SUGCT: variants seen among roughly 807,000 people sequenced by gnomAD.
SUGCT encodes succinyl-CoA:glutarate-CoA transferase.
A neutral mutation model predicts 55.0 loss-of-function variants in SUGCT; 41 were observed. The ratio of observed to expected loss-of-function variants is 0.74; its 90% CI spans 0.58 to 0.97. SUGCT has a LOEUF of 0.97. Among genes scored for constraint, SUGCT ranks in the 50% least tolerant of loss-of-function variants. The pLI, the probability that SUGCT is intolerant of heterozygous loss-of-function variation, is 0.00. For synonymous variants in SUGCT, 187 were observed against 200.4 expected, an observed-to-expected ratio of 0.93 and a Z score of 0.56; for missense variants, 568 against 547.8, an observed-to-expected ratio of 1.04 and a Z score of -0.37.
intron 12 of SUGCT, among the ~76,000 whole-genome samples, chr7:40,701,358 C>G (rs1475764975): frequency 1.3e-5 from 2 of 152,244 alleles, no homozygotes; most frequent in African/African-American, 4.8e-5. Flanking sequence ...GCTCATCCGC[C>G]ATTCCAGTGT....
the SUGCT span, among the ~76,000 whole-genome samples, chr7:40,888,597 T>C: frequency 1.2e-4 from 19 of 152,300 alleles, 1 homozygote; most frequent in East Asian, 7.7e-4. Context: ...GGCACATTCA[T>C]AGGTTTAAAA....
chr7:40,987,749 A>G, the SUGCT span, among the ~76,000 whole-genome samples: 1 of 152,232 alleles, frequency 6.6e-6, no homozygotes, highest in Non-Finnish European at 1.5e-5. Context: ...TGATGTTTCA[A>G]CAGAATTCCA....
chr7:40,268,942 T>G (rs1791802779), intron 7 of SUGCT, among the ~76,000 whole-genome samples: 1 of 152,174 alleles, frequency 6.6e-6, no homozygotes, highest in African/African-American at 2.4e-5. Context: ...CAGCCCATGC[T>G]TTCATTTTCT....
chr7:41,008,044 G>T, the SUGCT span, among the ~76,000 whole-genome samples: 1 of 152,146 alleles, frequency 6.6e-6, no homozygotes, highest in African/African-American at 2.4e-5. Context: ...GACTCTGGCT[G>T]CTTAGAAAGA....
intron 12 of SUGCT, among the ~76,000 whole-genome samples, chr7:40,585,139 G>C (rs3919491): frequency 0.094 from 14,294 of 152,090 alleles, 719 homozygotes; most frequent in Middle Eastern, 0.12. Flanking sequence ...GGGAAAATGG[G>C]GAATTCTTAA....
intron 13 of SUGCT, among the ~76,000 whole-genome samples, chr7:40,833,075 AT>A (rs907905476): frequency 1.3e-5 from 2 of 148,382 alleles, no homozygotes; most frequent in African/African-American, 2.5e-5. Context: ...TTACCTCTAG[AT>A]TTTTTTTTTC....
chr7:40,424,571 T>A (rs1169617428), intron 9 of SUGCT, among the ~76,000 whole-genome samples: 1 of 152,170 alleles, frequency 6.6e-6, no homozygotes, highest in Admixed American at 6.5e-5. Context: ...TTTACTTCTA[T>A]ATGTTTCAGT....
intron 13 of SUGCT, among the ~76,000 whole-genome samples, chr7:40,815,286 G>A (rs902959860): frequency 3.3e-5 from 5 of 152,360 alleles, no homozygotes; most frequent in African/African-American, 1.2e-4. Flanking sequence ...AGCAGCCACT[G>A]AGCACCCAGA....
chr7:40,947,482 G>A, the SUGCT span, among the ~76,000 whole-genome samples: 1 of 148,052 alleles, frequency 6.8e-6, no homozygotes, highest in Non-Finnish European at 1.5e-5. Context: ...TGTTTTGCAT[G>A]TGGGCCATAC....
At chr7:40,143,250 C>G (rs1788080518) in intron 1 of SUGCT, among the ~76,000 whole-genome samples, 2 of 152,228 alleles carry the variant, frequency 1.3e-5, no homozygotes, top group Admixed American at 1.3e-4. Context: ...TAAGGGCAGA[C>G]TGATAGGTCA....
intron 13 of SUGCT, among the ~76,000 whole-genome samples, chr7:40,764,045 T>G (rs1373400569): frequency 6.6e-6 from 1 of 152,142 alleles, no homozygotes; most frequent in Admixed American, 6.6e-5. Context: ...AGGGAGGTCT[T>G]TTCAATAGGC....
chr7:40,591,606 A>G (rs1454104444), intron 12 of SUGCT, among the ~76,000 whole-genome samples: 6 of 152,206 alleles, frequency 3.9e-5, no homozygotes, highest in Non-Finnish European at 7.4e-5. Context: ...TAACAGAGAA[A>G]TCTTTTGTGA....
At chr7:40,334,990 C>A (rs1562690946) in intron 9 of SUGCT, among the ~76,000 whole-genome samples, 2 of 152,296 alleles carry the variant, frequency 1.3e-5, no homozygotes, top group Admixed American at 6.5e-5. Context: ...GTTTTCCCAG[C>A]ACCATTTATT....
At chr7:40,417,971 T>G (rs949206822) in intron 9 of SUGCT, among the ~76,000 whole-genome samples, 2 of 152,194 alleles carry the variant, frequency 1.3e-5, no homozygotes, top group Non-Finnish European at 2.9e-5. Context: ...AAACAATACA[T>G]GTGATAAATA....
At chr7:40,208,789 C>T (rs772968909) in intron 6 of SUGCT, among the ~76,000 whole-genome samples, 48 of 152,142 alleles carry the variant, frequency 3.2e-4, no homozygotes, top group Non-Finnish European at 6.6e-4. Flanking sequence ...AGGCAATCCG[C>T]CCGCCTCAGA....
At chr7:40,387,241 A>G (rs1043274401) in intron 9 of SUGCT, among the ~76,000 whole-genome samples, 4 of 152,180 alleles carry the variant, frequency 2.6e-5, no homozygotes, top group Non-Finnish European at 5.9e-5. Context: ...CTTGCACCCA[A>G]ACGTAGGTAT....
the SUGCT span, among the ~76,000 whole-genome samples, chr7:40,930,740 A>G: frequency 2.0e-5 from 3 of 152,194 alleles, no homozygotes; most frequent in African/African-American, 7.2e-5. Context: ...ATTGGTGTAT[A>G]GGAATGCCTG....
At chr7:40,680,832 G>A (rs766843616) in intron 12 of SUGCT, among the ~76,000 whole-genome samples, 2 of 152,162 alleles carry the variant, frequency 1.3e-5, no homozygotes, top group Non-Finnish European at 2.9e-5. Flanking sequence ...GTCTTCTAAA[G>A]TAGTAGTACA....
At chr7:40,634,224 CA>C (rs1799921983) in intron 12 of SUGCT, among the ~76,000 whole-genome samples, 1 of 152,174 alleles carries the variant, frequency 6.6e-6, no homozygotes, top group South Asian at 2.1e-4. Context: ...AGTGAAAAAA[CA>C]CATGGCGAGC....
Sources: gnomAD v4.1 joint callset for allele counts (sites outside exome capture counted in the v4.1 genomes callset) on GRCh38, gnomAD v4.1.1 for gene constraint, MANE v1.5 for transcripts, NCBI Gene and HGNC (gene_info 2026-07-23, HGNC 2026-07-21) for gene names.